The following LAIR1 variants were observed in gnomAD, a reference collection of about 807,000 sequenced individuals.
LAIR1 encodes the protein leukocyte associated immunoglobulin like receptor 1, also known as leukocyte-associated immunoglobulin-like receptor 1.
LAIR1 carries 24 observed loss-of-function variants against 32.8 expected under a neutral mutation model. The observed-to-expected ratio is 0.73, with a 90% CI of 0.53 to 1.03. The LOEUF is 1.03. LAIR1 is among the 50% of genes least tolerant of loss of function. LAIR1 has a pLI of 0.00. For synonymous variants in LAIR1, 150 were observed against 140.5 expected (o/e 1.07, Z -0.48); for missense variants, 355 against 347.5 (o/e 1.02, Z -0.17).
rs1659427889 is a variant in LAIR1 at position 54,370,421 on chromosome 19, C to T, written c.-144G>A. The T allele has an allele frequency of 8.8e-6, 5 of 566,818 alleles. No individual in the cohort carries two copies. The Admixed American group carries it at 1.4e-4, about 16-fold the overall frequency. 35.1% of individuals were successfully genotyped at this position (566,818 alleles called of 1,614,324 possible). ...CCGATGGTGGATGAACTTGGCTTTCCACGGGCTGCCACCTCCAGCCTGCGC... is the reference window on the plus strand; with the variant it reads ...CCGATGGTGGATGAACTTGGCTTTCTACGGGCTGCCACCTCCAGCCTGCGC... On this transcript the variant is annotated 5_prime_UTR_variant, in exon 1 of 9. Transcript: ENST00000391743.
At chr19:54,373,857 T>G (rs942930420), upstream of LAIR1, among the ~76,000 whole-genome samples, 1 of 152,260 alleles carries the variant, frequency 6.6e-6, no homozygotes, top group African/African-American at 2.4e-5. Context: ...GCTCCCATCA[T>G]GCCCTTGGGC....
At chr19:54,362,261 C>T (rs2082061439) in intron 2 of LAIR1, among the ~76,000 whole-genome samples, 1 of 152,210 alleles carries the variant, frequency 6.6e-6, no homozygotes, top group African/African-American at 2.4e-5. Context: ...TGAACTTACT[C>T]TTCCTGTCTA....
In LAIR1 at chr19:54,361,212, A is replaced by G. The variant is rs1299425791; in HGVS notation, c.71-3T>C. 1.2e-6 allele frequency: 2 copies of G among 1,613,808 alleles called. No individual in the cohort carries two copies. Among genetic ancestry groups the G allele is most frequent in the South Asian group, 1.1e-5 (1 of 91,084 alleles). On this transcript the variant is annotated splice_region_variant and splice_polypyrimidine_tract_variant and intron_variant, in intron 2 of 9. Transcript: ENST00000391742. ...GATGGAGGGTCTGGGCAGATCTTCT[A>G]GGAGGGAAGCAGAGCAGGATCTCAG...
rs113260673 is a variant in LAIR1, at chr19:54,364,404, C to T, written c.35-74G>A. ...ACGGGGCTGCTGTCAAAAGGGGGCT[C>T]GATGGAGCTGGGGGGCATTCAGCAT... is the stretch of plus-strand genomic sequence containing the variant. On this transcript the variant is annotated intron_variant, in intron 1 of 9. Transcript: ENST00000391742. This position sits in a 1 kb window ranked among gnomAD's most constrained non-coding sequence, Gnocchi z 4.8. 1.9e-4 allele frequency: 306 copies of T among 1,592,082 alleles called. No individual in the cohort carries two copies. Among genetic ancestry groups the T allele is most frequent in the East Asian group, 1.1e-3 (49 of 44,742 alleles).
At chr19:54,356,044 A>G in intron 8 of LAIR1, 38 bp from the exon 9 acceptor site, 1 of 1,543,896 alleles carries the variant, frequency 6.5e-7, no homozygotes, top group Non-Finnish European at 9.0e-7. Flanking sequence ...TCTGGGGAGG[A>G]TGTCGCAAGG....
chr19:54,356,409 T>C lies in LAIR1; in HGVS notation c.584-11A>G, dbSNP rs777605317. The stretch of plus-strand genomic sequence containing the variant: ...TGCTTCTGGGGGGCCCTAAGGACAG[T>C]CGGGGTGTGAATTAAGGAGACCTTC... On this transcript the variant is annotated splice_polypyrimidine_tract_variant and intron_variant, in intron 6 of 9. Transcript: ENST00000391742. 8.1e-5 allele frequency: 129 copies of C among 1,600,854 alleles called. No homozygotes were observed. The Admixed American group carries it at 2.1e-3, about 26-fold the overall frequency.
upstream of LAIR1, among the ~76,000 whole-genome samples, chr19:54,365,716 G>A (rs1165165392): frequency 6.6e-6 from 1 of 151,784 alleles, no homozygotes; most frequent in Non-Finnish European, 1.5e-5. Flanking sequence ...CAGAAGGCAG[G>A]GGTTGCAGTG....
At chr19:54,372,272 A>G (rs59511334), upstream of LAIR1, among the ~76,000 whole-genome samples, 1 of 151,332 alleles carries the variant, frequency 6.6e-6, no homozygotes, top group Admixed American at 6.5e-5. Flanking sequence ...CCGTTGCTCC[A>G]CATCCTCGCC....
chr19:54,363,559 C>T (rs1195335838), intron 2 of LAIR1, among the ~76,000 whole-genome samples: 1 of 152,152 alleles, frequency 6.6e-6, no homozygotes, highest in Non-Finnish European at 1.5e-5. Context: ...GTGCCCACCG[C>T]CAAATGAATG....
At chr19:54,367,664 G>T (rs1331300771), upstream of LAIR1, among the ~76,000 whole-genome samples, 6 of 151,462 alleles carry the variant, frequency 4.0e-5, no homozygotes, top group East Asian at 7.8e-4. Flanking sequence ...GAGAATGGTG[G>T]GAACCCGGGA....
chr19:54,362,192 A>C lies in LAIR1; in HGVS notation c.71-983T>G, dbSNP rs1217149777. On this transcript the variant is annotated intron_variant, in intron 2 of 9. Transcript: ENST00000391742. ...GAGAACATTTAAAATCTGCCCTCTT[A>C]GTGATTTTCAAGCATATGATACATT... Among the ~76,000 whole-genome samples the C allele has an allele frequency of 2.0e-5, 3 of 152,198 alleles. No individual in the cohort carries two copies. In the East Asian group the frequency reaches 5.8e-4, roughly 29 times the overall value.
At chr19:54,359,609 AG>A (rs1285185742) in intron 4 of LAIR1, among the ~76,000 whole-genome samples, 1 of 152,262 alleles carries the variant, frequency 6.6e-6, no homozygotes, top group Non-Finnish European at 1.5e-5. Flanking sequence ...CACGCCCACA[AG>A]GGGGCAGCGT....
rs528057439 is a variant in LAIR1 at position 54,359,052 on chromosome 19, T to C, written c.415+970A>G. 7.0e-4 allele frequency among the ~76,000 whole-genome samples: 104 copies of C among 149,562 alleles called. 1 individual carries two copies. The highest frequency in any genetic ancestry group is 2.5e-3 in the African/African-American group (99 of 40,140). Reference sequence around the variant, plus strand: ...ACCAGGTCTGCGGGACTCAGGAGCATGTCCCGCTGTGCCCCAGCAGCCCAG... The same window carrying C: ...ACCAGGTCTGCGGGACTCAGGAGCACGTCCCGCTGTGCCCCAGCAGCCCAG... On this transcript the variant is annotated intron_variant, in intron 4 of 9. Transcript: ENST00000391742.
upstream of LAIR1, among the ~76,000 whole-genome samples, chr19:54,372,613 C>T (rs62132215): frequency 0.026 from 3,872 of 150,092 alleles, 91 homozygotes; most frequent in Middle Eastern, 0.044. Context: ...GCCTCAGCCT[C>T]GTGAGTAACT....
At chr19:54,372,324 C>T (rs1302050981), upstream of LAIR1, among the ~76,000 whole-genome samples, 3 of 151,210 alleles carry the variant, frequency 2.0e-5, no homozygotes, top group Non-Finnish European at 4.4e-5. Context: ...TAGAATTTGG[C>T]CACTCTAATA....
At chr19:54,373,540 A>G (rs1168952164), upstream of LAIR1, among the ~76,000 whole-genome samples, 3 of 152,230 alleles carry the variant, frequency 2.0e-5, no homozygotes, top group East Asian at 3.8e-4. Flanking sequence ...AATGAACAAA[A>G]CAGATCCAGT....
At chr19:54,365,988 A>T (rs1460693253), upstream of LAIR1, among the ~76,000 whole-genome samples, 1 of 152,170 alleles carries the variant, frequency 6.6e-6, no homozygotes, top group Non-Finnish European at 1.5e-5. Context: ...CACGGACGAA[A>T]CCTGAGGACA....
Position 54,364,662 on chromosome 19 carries a change from G to A in LAIR1, c.34+109C>T. The A allele has an allele frequency of 1.0e-6, 1 of 988,368 alleles. No individual in the cohort carries two copies. The allele number at this position is 988,368 out of a possible 1,614,324, so 61.2% of individuals were successfully genotyped here. A position where few individuals can be genotyped will look rare whatever the true frequency, so the allele number is the denominator to read the frequency against. On this transcript the variant is annotated intron_variant, in intron 1 of 9. Coordinates refer to ENST00000391742, the MANE Select transcript of LAIR1 (RefSeq NM_002287.6). The surrounding 1 kb of genome is among the most constrained non-coding windows in gnomAD (Gnocchi z 4.8). ...AGCAGCAGGGCAGTCTTGGGAGGAG[G>A]AGGACACTTTCCTCCCCAGAATCTT...
rs751957613 is a variant in LAIR1, at chr19:54,356,362, T to C, written c.620A>G (p.Gln207Arg). ...TCATTCCCAGGGGCCTCACCTCTGC[T>C]GTGGCTTCTGCTCCTCGTCCTTGCT... ...PRSKDEEQKP[Q>R]QRPDLAVDVL... Residue 207 changes from glutamine (Q) to arginine (R), a missense_variant, in exon 7 of 10, where the codon CAG becomes CGG. By Grantham distance (43) the Gln-to-Arg change is conservative (BLOSUM62 1). Coordinates refer to ENST00000391742, the MANE Select transcript of LAIR1 (RefSeq NM_002287.6). 30 of 1,593,804 alleles carry C rather than the reference T, an allele frequency of 1.9e-5. No individual in the cohort carries two copies. Among genetic ancestry groups the C allele is most frequent in the Non-Finnish European group, 2.3e-5 (27 of 1,170,444 alleles).
Sources: gnomAD v4.1 joint callset for allele counts (sites outside exome capture counted in the v4.1 genomes callset) on GRCh38, gnomAD v4.1.1 for gene constraint, Gnocchi (gnomAD v3.1) non-coding constraint, MANE v1.5 for transcripts, NCBI Gene and HGNC (gene_info 2026-07-23, HGNC 2026-07-21) for gene names.